Variants in MATN2 observed in about 807,000 individuals in gnomAD.
MATN2 encodes the protein matrilin-2.
A neutral mutation model predicts 103.2 loss-of-function variants in MATN2; 69 were observed. That is an observed-to-expected ratio of 0.67 (90% CI 0.55 to 0.82). MATN2 has a LOEUF of 0.82. Among genes scored for constraint, MATN2 ranks in the 40% least tolerant of loss-of-function variants. The pLI is 0.00. For synonymous variants in MATN2, 429 were observed against 450.2 expected (o/e 0.95, Z 0.60); for missense variants, 1,023 against 1,211.5 (o/e 0.84, Z 2.31).
At chr8:97,936,626 C>A (rs1014278729) in intron 3 of MATN2, among the ~76,000 whole-genome samples, 1 of 152,140 alleles carries the variant, frequency 6.6e-6, no homozygotes, top group African/African-American at 2.4e-5. Context: ...AAATCCAATC[C>A]CACCAATGAC....
At chr8:97,942,619 C>T (rs1208433947) in intron 4 of MATN2, among the ~76,000 whole-genome samples, 2 of 152,154 alleles carry the variant, frequency 1.3e-5, no homozygotes, top group Non-Finnish European at 2.9e-5. Flanking sequence ...AAAAACAAGT[C>T]ATGAGGAAGA....
chr8:98,018,646 C>T (rs973524709), intron 12 of MATN2, among the ~76,000 whole-genome samples: 12 of 152,116 alleles, frequency 7.9e-5, no homozygotes, highest in East Asian at 1.9e-4. Flanking sequence ...CAGAAGGTGA[C>T]GGGCACATCT....
intron 12 of MATN2, among the ~76,000 whole-genome samples, chr8:98,019,230 C>T (rs989653839): frequency 1.3e-5 from 2 of 151,772 alleles, no homozygotes; most frequent in African/African-American, 4.8e-5. Context: ...CACACACACA[C>T]AAACACACAT....
chr8:97,877,105 C>G (rs1381580741), intron 1 of MATN2, among the ~76,000 whole-genome samples: 1 of 151,376 alleles, frequency 6.6e-6, no homozygotes, highest in African/African-American at 2.4e-5. Context: ...TCCTGGTGCT[C>G]AAGCAATCCT....
intron 10 of MATN2, among the ~76,000 whole-genome samples, chr8:98,010,250 T>A (rs1813113459): frequency 6.6e-6 from 1 of 151,866 alleles, no homozygotes; most frequent in Admixed American, 6.6e-5. Flanking sequence ...CCTGATAGGC[T>A]CTCCTCTCCT....
intron 1 of MATN2, among the ~76,000 whole-genome samples, chr8:97,879,362 T>G (rs533515458): frequency 3.4e-4 from 51 of 152,216 alleles, no homozygotes; most frequent in African/African-American, 1.2e-3. Flanking sequence ...GGGGCCACCA[T>G]GGTCAGAGAG....
At chr8:98,006,479 G>A (rs564709175) in intron 8 of MATN2, among the ~76,000 whole-genome samples, 6 of 152,274 alleles carry the variant, frequency 3.9e-5, no homozygotes, top group Admixed American at 2.6e-4. Flanking sequence ...ATCAGGAAAC[G>A]ATGGCAAAGA....
In MATN2 at chr8:98,007,374, G is replaced by T; in HGVS notation, c.1451-105G>T. 1 of 1,550,326 alleles carries T rather than the reference G, an allele frequency of 6.5e-7. No homozygotes were observed. Among genetic ancestry groups the T allele is most frequent in the Non-Finnish European group, 8.8e-7 (1 of 1,136,056 alleles). On this transcript the variant is annotated intron_variant, in intron 9 of 18. Transcript: ENST00000254898. The surrounding 1 kb of genome is among the most constrained non-coding windows in gnomAD (Gnocchi z 4.2). ...GATAGTGAGGATGTCCACTGGGACT[G>T]CATGCCTTCGAGGGAGGGCGGGGTG...
At chr8:98,026,632 T>G (rs1400245972) in intron 13 of MATN2, among the ~76,000 whole-genome samples, 1 of 152,184 alleles carries the variant, frequency 6.6e-6, no homozygotes, top group Non-Finnish European at 1.5e-5. Context: ...CCTCATTCAC[T>G]TAGTCTGTCA....
At chr8:98,022,698 G>A (rs1813645587) in intron 13 of MATN2, among the ~76,000 whole-genome samples, 1 of 151,820 alleles carries the variant, frequency 6.6e-6, no homozygotes, top group South Asian at 2.1e-4. Context: ...TTCTACCAGG[G>A]AAGCTGCATG....
chr8:97,881,223 T>C (rs942975136), intron 1 of MATN2, among the ~76,000 whole-genome samples: 1 of 152,224 alleles, frequency 6.6e-6, no homozygotes. Context: ...GCCAATGGTC[T>C]GGTTTAGATT....
At chr8:97,898,248 A>G (rs573153135) in intron 2 of MATN2, among the ~76,000 whole-genome samples, 3 of 152,264 alleles carry the variant, frequency 2.0e-5, no homozygotes, top group African/African-American at 7.2e-5. Flanking sequence ...CCTTACCCCT[A>G]AGGAGCCAGT....
At chr8:97,943,480 C>T (rs1810643607) in intron 4 of MATN2, among the ~76,000 whole-genome samples, 1 of 150,986 alleles carries the variant, frequency 6.6e-6, no homozygotes, top group Admixed American at 6.6e-5. Flanking sequence ...TCTTCTTTTC[C>T]TTTGTTTTTT....
chr8:97,967,874 C>T (rs1178700813), intron 5 of MATN2, among the ~76,000 whole-genome samples: 1 of 152,242 alleles, frequency 6.6e-6, no homozygotes, highest in East Asian at 1.9e-4. Context: ...TCCAACCCTA[C>T]ATTTCCCTTT....
intron 1 of MATN2, among the ~76,000 whole-genome samples, chr8:97,885,674 C>T (rs1818397819): frequency 6.6e-6 from 1 of 152,114 alleles, no homozygotes; most frequent in Non-Finnish European, 1.5e-5. Context: ...TGGCTCACAC[C>T]TGTAGTCCCA....
rs1391103453 is a variant in MATN2 at position 97,931,300 on chromosome 8, G to C, written c.490G>C (p.Val164Leu). The C allele has an allele frequency of 6.2e-7, 1 of 1,613,954 alleles. No individual in the cohort carries two copies. Among genetic ancestry groups the C allele is most frequent in the Admixed American group, 1.7e-5 (1 of 60,028 alleles). Residue 164 changes from valine to leucine, a missense_variant, in exon 3 of 19, where the codon GTC becomes CTC. Coordinates refer to ENST00000254898, the MANE Select transcript of MATN2 (RefSeq NM_002380.5). The surrounding 1 kb of genome is among the most constrained non-coding windows in gnomAD (Gnocchi z 4.1). Reference protein sequence around the residue: ...ARPLRENVPRVIMIVTDGRPQ... With the variant: ...ARPLRENVPRLIMIVTDGRPQ... ...GCCCCTGAGGGAGAATGTGCCACGG[G>C]TCATAATGATCGTGACAGATGGGAG...
chr8:97,995,047 C>T (rs1425306572), intron 7 of MATN2, among the ~76,000 whole-genome samples: 1 of 152,162 alleles, frequency 6.6e-6, no homozygotes, highest in Non-Finnish European at 1.5e-5. Flanking sequence ...AAAAATGAGA[C>T]TCTAGGACAT....
At chr8:97,945,717 A>AAAAAAAAAATAT (rs59472539) in intron 4 of MATN2, among the ~76,000 whole-genome samples, 1 of 121,830 alleles carries the variant, frequency 8.2e-6, no homozygotes, top group Non-Finnish European at 1.6e-5. Flanking sequence ...AAAAAAAAAA[A>AAAAAAAAAATAT]ATATATATAT....
chr8:97,995,490 C>T (rs1343445651), intron 7 of MATN2, among the ~76,000 whole-genome samples: 1 of 152,092 alleles, frequency 6.6e-6, no homozygotes, highest in Non-Finnish European at 1.5e-5. Context: ...CACACTTATG[C>T]ACACTGAATT....
Sources: allele counts gnomAD v4.1 joint callset (sites outside exome capture counted in the v4.1 genomes callset), GRCh38; gene constraint gnomAD v4.1.1; non-coding constraint Gnocchi (gnomAD v3.1); transcripts MANE v1.5; gene names NCBI Gene and HGNC (gene_info 2026-07-23, HGNC 2026-07-21).